The following AKAP13 variants were observed in gnomAD, a reference collection of about 807,000 sequenced individuals.
AKAP13 encodes A-kinase anchoring protein 13, also known as A-kinase anchor protein 13.
AKAP13 carries 80 observed loss-of-function variants against 264.5 expected under a neutral mutation model. The observed-to-expected ratio is 0.30, with a 90% CI of 0.25 to 0.36. AKAP13 has a LOEUF of 0.36. Ranked by LOEUF, AKAP13 falls within the 10% of genes least tolerant of loss-of-function variation. AKAP13 has a pLI of 1.00. For synonymous variants in AKAP13, 1,380 were observed against 1,250.2 expected, an observed-to-expected ratio of 1.10 and a Z score of -2.19; for missense variants, 3,712 against 3,435.2, an observed-to-expected ratio of 1.08 and a Z score of -2.01.
At chr15:85,533,462 A>AGGGG in intron 3 of AKAP13, 122 bp from the exon 4 acceptor site, 1 of 857,830 alleles carries the variant, frequency 1.2e-6, no homozygotes, top group East Asian at 2.8e-5. Context: ...AAGAGGAAGG[A>AGGGG]GGGGGTGTTT....
chr15:85,455,189 A>G (rs969495876), intron 1 of AKAP13, among the ~76,000 whole-genome samples: 1 of 152,118 alleles, frequency 6.6e-6, no homozygotes, highest in Non-Finnish European at 1.5e-5. Flanking sequence ...TAGTGAACCT[A>G]ATATGGTCTG....
chr15:85,708,255 A>G lies in AKAP13; in HGVS notation c.5532+169A>G, dbSNP rs1052592775. On this transcript the variant is annotated intron_variant, in intron 18 of 36. Coordinates refer to ENST00000394518, the MANE Select transcript of AKAP13 (RefSeq NM_007200.5). The surrounding 1 kb of genome is among the most constrained non-coding windows in gnomAD (Gnocchi z 4.3). ...AAATATTTTTTCTCTTAAGCGATCA[A>G]TCTTCTTCTTGAGTAACACTGGAGA... is the stretch of plus-strand genomic sequence containing the variant. Among the ~76,000 whole-genome samples the G allele has an allele frequency of 9.9e-5, 15 of 152,238 alleles. No homozygotes were observed. Among genetic ancestry groups the G allele is most frequent in the Admixed American group, 2.0e-4 (3 of 15,286 alleles).
intron 19 of AKAP13, among the ~76,000 whole-genome samples, chr15:85,714,412 A>G (rs926596354): frequency 2.4e-4 from 37 of 152,340 alleles, no homozygotes; most frequent in African/African-American, 7.5e-4. Context: ...TTCAGGGGTC[A>G]TCTGTAGTTA....
At chr15:85,401,989 A>T (rs1379392864) in intron 1 of AKAP13, among the ~76,000 whole-genome samples, 1 of 152,258 alleles carries the variant, frequency 6.6e-6, no homozygotes, top group Non-Finnish European at 1.5e-5. Flanking sequence ...GTTAGTGAAC[A>T]GACACTGGAT....
At position 85,724,780 on chromosome 15, in the gene AKAP13, T is replaced by G. The variant is rs1296837789; in HGVS notation, c.6745+1460T>G. ...GAGACTGGTGACAGATAAGAGACTG[T>G]GCAGTGCTTTGGGGAAGAGCTCATC... On this transcript the variant is annotated intron_variant, in intron 26 of 36. Transcript: ENST00000394518. The surrounding 1 kb of genome is among the most constrained non-coding windows in gnomAD (Gnocchi z 4.2). 2.0e-5 allele frequency among the ~76,000 whole-genome samples: 3 copies of G among 151,912 alleles called. No individual in the cohort carries two copies. Among genetic ancestry groups the G allele is most frequent in the Non-Finnish European group, 4.4e-5 (3 of 68,002 alleles).
intron 2 of AKAP13, among the ~76,000 whole-genome samples, chr15:85,505,789 A>C (rs1297450245): frequency 6.6e-6 from 1 of 152,180 alleles, no homozygotes; most frequent in Non-Finnish European, 1.5e-5. Flanking sequence ...TTTCCTGCTG[A>C]GACAGATATA....
At position 85,530,278 on chromosome 15, in the gene AKAP13, G is replaced by A. The variant is rs562132818; in HGVS notation, c.182-3306G>A. On this transcript the variant is annotated intron_variant, in intron 3 of 36. Transcript: ENST00000394518. ...TTTTAGCAATTCGGGACAAATTTCT[G>A]TGCTGATACTTACTTTGGCACTTCA... 4.7e-4 allele frequency among the ~76,000 whole-genome samples: 72 copies of A among 152,296 alleles called. 1 individual carries two copies. Among genetic ancestry groups the A allele is most frequent in the African/African-American group, 1.4e-3 (57 of 41,560 alleles).
In AKAP13 at chr15:85,610,160, C is replaced by T. The variant is rs150545631; in HGVS notation, c.4161+24337C>T. Among the ~76,000 whole-genome samples, 11 of 152,334 alleles carry T rather than the reference C, an allele frequency of 7.2e-5. No individual in the cohort carries two copies. In the East Asian group the frequency reaches 7.7e-4, roughly 11 times the overall value. ...ATTGACCGTGGCATGCTGATGACAA[C>T]GAGATCCCATTACAGAATTATGGTC... is the stretch of plus-strand genomic sequence containing the variant. On this transcript the variant is annotated intron_variant, in intron 8 of 36. Transcript: ENST00000394518.
chr15:85,548,834 G>C (rs1392717952), intron 5 of AKAP13, among the ~76,000 whole-genome samples: 2 of 151,598 alleles, frequency 1.3e-5, no homozygotes, highest in Non-Finnish European at 2.9e-5. Context: ...TTTGAATCCA[G>C]GGTCTACTTC....
At chr15:85,618,111 A>G (rs1425439992) in intron 8 of AKAP13, among the ~76,000 whole-genome samples, 1 of 152,218 alleles carries the variant, frequency 6.6e-6, no homozygotes, top group Non-Finnish European at 1.5e-5. Flanking sequence ...TTATTTCAGA[A>G]TAAAGCCTGT....
chr15:85,486,041 G>A (rs2075530872), intron 2 of AKAP13, among the ~76,000 whole-genome samples: 1 of 152,236 alleles, frequency 6.6e-6, no homozygotes, highest in African/African-American at 2.4e-5. Flanking sequence ...CAGTACTGTA[G>A]CTTCTTATTT....
chr15:85,704,428 C>T (rs116372280), intron 17 of AKAP13, among the ~76,000 whole-genome samples: 2,036 of 152,150 alleles, frequency 0.013, 49 homozygotes, highest in African/African-American at 0.047. Context: ...TAACCATTCG[C>T]CAAAGATCTG....
rs78683452 is a variant in AKAP13, at chr15:85,726,212, C to G, written c.6746-198C>G. 5.8e-3 allele frequency: 2,663 copies of G among 455,224 alleles called. 67 individuals are homozygous for G. The highest frequency in any genetic ancestry group is 0.049 in the African/African-American group (2,427 of 50,032). 28.2% of individuals were successfully genotyped at this position (455,224 alleles called of 1,614,324 possible). ...TGATAAATCCCATTTTAAAATGCTGCTAAAAATCTGGTGACCAGATCTGAA... is the reference window on the plus strand; with the variant it reads ...TGATAAATCCCATTTTAAAATGCTGGTAAAAATCTGGTGACCAGATCTGAA... On this transcript the variant is annotated intron_variant, in intron 26 of 36. Coordinates refer to ENST00000394518, the MANE Select transcript of AKAP13 (RefSeq NM_007200.5).
intron 8 of AKAP13, among the ~76,000 whole-genome samples, chr15:85,623,194 T>C (rs1184433959): frequency 6.6e-6 from 1 of 152,230 alleles, no homozygotes; most frequent in Non-Finnish European, 1.5e-5. Flanking sequence ...GGAAATTTGC[T>C]TTTTTGTACT....
chr15:85,604,557 G>C (rs768246974), intron 8 of AKAP13, among the ~76,000 whole-genome samples: 3 of 151,446 alleles, frequency 2.0e-5, no homozygotes, highest in Admixed American at 6.6e-5. Flanking sequence ...TCTGCCTCCC[G>C]GGTTCAAGCA....
chr15:85,684,920 T>C, intron 16 of AKAP13, 47 bp downstream of exon 16: 1 of 1,571,970 alleles, frequency 6.4e-7, no homozygotes, highest in Admixed American at 1.8e-5. Context: ...AGTAGGATCC[T>C]GTCACAGCCT....
chr15:85,624,190 C>T (rs545361625), intron 8 of AKAP13, among the ~76,000 whole-genome samples: 1 of 152,312 alleles, frequency 6.6e-6, no homozygotes, highest in African/African-American at 2.4e-5. Flanking sequence ...AAAATACTGC[C>T]TGTTAATAGT....
intron 36 of AKAP13, chr15:85,744,345 C>G (rs1334606370): frequency 2.4e-6 from 1 of 412,130 alleles, no homozygotes; most frequent in Non-Finnish European, 4.4e-6. Flanking sequence ...TAGGATTGAT[C>G]TCTCCTTTCT....
rs796732651 is a variant in AKAP13 at position 85,414,245 on chromosome 15, T to C, written c.-12+33447T>C. 5.3e-5 allele frequency among the ~76,000 whole-genome samples: 8 copies of C among 152,334 alleles called. No individual in the cohort carries two copies. The South Asian group carries it at 1.4e-3, about 28-fold the overall frequency. On this transcript the variant is annotated intron_variant, in intron 1 of 36. Transcript: ENST00000394518. ...TGTAAACAGGCTTTGACGGGGCAAA[T>C]TTAAACTGTTGTAAAGATTGCCTAT...
Sources: gnomAD v4.1 joint callset for allele counts (sites outside exome capture counted in the v4.1 genomes callset) on GRCh38, gnomAD v4.1.1 for gene constraint, Gnocchi (gnomAD v3.1) non-coding constraint, MANE v1.5 for transcripts, NCBI Gene and HGNC (gene_info 2026-07-23, HGNC 2026-07-21) for gene names.